Variants in PHF2 observed in about 807,000 individuals in gnomAD.
PHF2 encodes lysine-specific demethylase PHF2.
Under a neutral mutation model 120.5 loss-of-function variants are expected in PHF2, and 27 were observed. The observed-to-expected ratio is 0.22, with a 90% confidence interval of 0.17 to 0.31. PHF2 has a LOEUF of 0.31. PHF2 is among the 10% of genes least tolerant of loss of function. PHF2 has a pLI of 1.00. For missense variants in PHF2, 1,024 were observed against 1,434.8 expected, an observed-to-expected ratio of 0.71 and a Z score of 4.63; for synonymous variants, 568 against 592.5, an observed-to-expected ratio of 0.96 and a Z score of 0.60.
intron 16 of PHF2, among the ~76,000 whole-genome samples, chr9:93,666,411 ATG>A (rs993361207): frequency 6.6e-5 from 10 of 152,122 alleles, no homozygotes; most frequent in African/African-American, 2.2e-4. Context: ...GTCTCTTTAC[ATG>A]TGTTACACAC....
At chr9:93,585,489 C>G (rs1321761344) in intron 1 of PHF2, among the ~76,000 whole-genome samples, 2 of 152,244 alleles carry the variant, frequency 1.3e-5, no homozygotes, top group African/African-American at 4.8e-5. Context: ...CCTCATTGAT[C>G]TCCATGCATT....
chr9:93,675,329 A>C (rs2118151195), intron 19 of PHF2, among the ~76,000 whole-genome samples: 1 of 152,282 alleles, frequency 6.6e-6, no homozygotes, highest in South Asian at 2.1e-4. Context: ...TGTGAGGGTC[A>C]CCTTTGTACC....
At chr9:93,618,327 C>T (rs760404931) in intron 1 of PHF2, among the ~76,000 whole-genome samples, 4 of 152,246 alleles carry the variant, frequency 2.6e-5, no homozygotes, top group East Asian at 1.9e-4. Flanking sequence ...GACTGAACCA[C>T]GCACACATGA....
At chr9:93,666,919 A>G (rs953617336) in intron 16 of PHF2, among the ~76,000 whole-genome samples, 161 bp from the exon 17 acceptor site, 1 of 152,180 alleles carries the variant, frequency 6.6e-6, no homozygotes, top group Admixed American at 6.5e-5. Flanking sequence ...GCGAGACTCC[A>G]TCTCAAAACT....
intron 1 of PHF2, among the ~76,000 whole-genome samples, chr9:93,609,804 C>G (rs1825604762): frequency 6.6e-6 from 1 of 152,082 alleles, no homozygotes; most frequent in Non-Finnish European, 1.5e-5. Context: ...TGAGGCAATT[C>G]TCCTGCCTCA....
intron 1 of PHF2, among the ~76,000 whole-genome samples, chr9:93,621,515 G>C (rs1825826206): frequency 6.6e-6 from 1 of 152,212 alleles, no homozygotes; most frequent in South Asian, 2.1e-4. Context: ...GCCCACAAGG[G>C]GCCCCTCCTT....
intron 5 of PHF2, among the ~76,000 whole-genome samples, chr9:93,650,018 C>T (rs1311266856): frequency 6.6e-6 from 1 of 151,970 alleles, no homozygotes; most frequent in African/African-American, 2.4e-5. Flanking sequence ...CACTCACGGA[C>T]ACACTCGCCA....
At chr9:93,667,571 G>A (rs986793768) in intron 17 of PHF2, among the ~76,000 whole-genome samples, 1 of 152,314 alleles carries the variant, frequency 6.6e-6, no homozygotes, top group Non-Finnish European at 1.5e-5. Flanking sequence ...AACTCAGGGG[G>A]CAGAGGTGTA....
intron 1 of PHF2, among the ~76,000 whole-genome samples, chr9:93,605,296 T>C (rs1283684613): frequency 2.0e-5 from 3 of 152,118 alleles, no homozygotes; most frequent in African/African-American, 7.2e-5. Context: ...GAGCTCACTG[T>C]AACCTCTAAA....
intron 17 of PHF2, among the ~76,000 whole-genome samples, chr9:93,669,617 T>C (rs951735810): frequency 6.6e-6 from 1 of 152,222 alleles, no homozygotes. Context: ...TGGTGAGGGC[T>C]GCAGTGAGGG....
At chr9:93,603,110 G>T (rs1338495553) in intron 1 of PHF2, among the ~76,000 whole-genome samples, 2 of 152,218 alleles carry the variant, frequency 1.3e-5, no homozygotes, top group African/African-American at 4.8e-5. Flanking sequence ...TGCTGGGCTG[G>T]ATGATCACGT....
intron 12 of PHF2, among the ~76,000 whole-genome samples, chr9:93,661,043 A>G (rs968309869): frequency 3.0e-4 from 45 of 152,068 alleles, no homozygotes; most frequent in African/African-American, 1.1e-3. Context: ...AAGGTAGATG[A>G]GGTGTCTGTG....
chr9:93,637,825 T>A (rs1270181289), intron 3 of PHF2, among the ~76,000 whole-genome samples: 1 of 152,238 alleles, frequency 6.6e-6, no homozygotes, highest in Non-Finnish European at 1.5e-5. Context: ...GGTCATATGG[T>A]AACTCTCTGT....
intron 1 of PHF2, among the ~76,000 whole-genome samples, chr9:93,587,256 A>AGAGCCCTGGGTGAGGGATGACGGAG (rs1564371827): frequency 3.0e-4 from 30 of 100,778 alleles, no homozygotes; most frequent in Admixed American, 4.9e-4. Flanking sequence ...GGATGATGGA[A>AGAGCCCTGGGTGAGGGATGACGGAG]GAGCCCTGGG....
At chr9:93,649,892 CACA>C (rs1024636135) in intron 5 of PHF2, among the ~76,000 whole-genome samples, 49 of 147,216 alleles carry the variant, frequency 3.3e-4, no homozygotes, top group Admixed American at 6.0e-4. Flanking sequence ...ACACTCGTGA[CACA>C]ACACACCAAC....
chr9:93,632,049 T>A (rs1399458846), intron 2 of PHF2, among the ~76,000 whole-genome samples: 1 of 152,118 alleles, frequency 6.6e-6, no homozygotes, highest in African/African-American at 2.4e-5. Flanking sequence ...GTGAGCACAC[T>A]GTTTTGATTT....
At chr9:93,607,940 T>TGAGAGA (rs138717280) in intron 1 of PHF2, among the ~76,000 whole-genome samples, 5,565 of 128,160 alleles carry the variant, frequency 0.043, 403 homozygotes, top group African/African-American at 0.15. Flanking sequence ...GGGAAAGAGA[T>TGAGAGA]GAGAGAGAGA....
rs138842768 is a variant in PHF2, at chr9:93,644,286, T to A, written c.300-1343T>A. ...CTGTAATCCCAGCTACTCAGGAGGC[T>A]GAGGCAGGAGAATTGCTTAAAACCT... On this transcript the variant is annotated intron_variant, in intron 3 of 21. Coordinates refer to ENST00000359246, the MANE Select transcript of PHF2 (RefSeq NM_005392.4). 3.9e-3 allele frequency among the ~76,000 whole-genome samples: 583 copies of A among 151,300 alleles called. 8 individuals carry two copies. Among genetic ancestry groups the A allele is most frequent in the African/African-American group, 0.014 (564 of 41,112 alleles).
At chr9:93,672,124 G>A (rs1826808343) in intron 17 of PHF2, among the ~76,000 whole-genome samples, 1 of 95,324 alleles carries the variant, frequency 1.0e-5, no homozygotes, top group African/African-American at 4.6e-5. Context: ...ATGCAGGTGT[G>A]GGTGCGGATG....
Sources: gnomAD v4.1 joint callset for allele counts (sites outside exome capture counted in the v4.1 genomes callset) on GRCh38, gnomAD v4.1.1 for gene constraint, MANE v1.5 for transcripts, NCBI Gene and HGNC (gene_info 2026-07-23, HGNC 2026-07-21) for gene names.